The following NCOA2 variants were observed in gnomAD, a reference collection of about 807,000 sequenced individuals.
The protein encoded by NCOA2 is nuclear receptor coactivator 2.
A neutral mutation model predicts 145.1 loss-of-function variants in NCOA2; 21 were observed. That is an observed-to-expected ratio of 0.14 (90% CI 0.10 to 0.21). The LOEUF is 0.21. Among genes scored for constraint, NCOA2 ranks in the 10% least tolerant of loss-of-function variants. NCOA2 has a pLI of 1.00. For synonymous variants in NCOA2, 619 were observed against 637.5 expected (o/e 0.97, Z 0.44); for missense variants, 1,472 against 1,837.6 (o/e 0.80, Z 3.64).
chr8:70,252,061 T>C (rs185644735), intron 2 of NCOA2, among the ~76,000 whole-genome samples: 26 of 152,340 alleles, frequency 1.7e-4, no homozygotes, highest in Non-Finnish European at 3.1e-4. Context: ...ATGTAAATAA[T>C]TGTTATATTG....
rs111706218 is a variant in NCOA2 at position 70,375,410 on chromosome 8, C to T, written c.-77+28290G>A. 2.7e-3 allele frequency among the ~76,000 whole-genome samples: 411 copies of T among 152,214 alleles called. 5 individuals are homozygous for T. The highest frequency in any genetic ancestry group is 9.6e-3 in the African/African-American group (399 of 41,532). On this transcript the variant is annotated intron_variant, in intron 1 of 22. Transcript: ENST00000452400. ...TTTGCAGTGGCATCAGGTGAGATGG[C>T]TGTTTCAGGAAACTCAAAAAGGATT...
intron 1 of NCOA2, among the ~76,000 whole-genome samples, chr8:70,338,207 A>G (rs1807805146): frequency 6.6e-6 from 1 of 152,144 alleles, no homozygotes; most frequent in African/African-American, 2.4e-5. Flanking sequence ...AGACTAATAA[A>G]GAAGAAAATC....
chr8:70,322,764 G>A (rs187927027), intron 1 of NCOA2, among the ~76,000 whole-genome samples: 1 of 152,226 alleles, frequency 6.6e-6, no homozygotes, highest in East Asian at 1.9e-4. Flanking sequence ...AAAGGGTCTG[G>A]CCCATAGTAA....
intron 1 of NCOA2, among the ~76,000 whole-genome samples, chr8:70,349,803 A>G (rs991811841): frequency 6.6e-6 from 1 of 152,156 alleles, no homozygotes; most frequent in Non-Finnish European, 1.5e-5. Context: ...AAATTTGTTC[A>G]GTCTATATCC....
chr8:70,317,701 C>CA (rs1402470120), intron 1 of NCOA2, among the ~76,000 whole-genome samples: 1 of 152,090 alleles, frequency 6.6e-6, no homozygotes, highest in Non-Finnish European at 1.5e-5. Flanking sequence ...TTAAGAAGTC[C>CA]ATTTAAAAAT....
chr8:70,237,101 C>T (rs766091259), intron 2 of NCOA2, among the ~76,000 whole-genome samples: 42 of 152,172 alleles, frequency 2.8e-4, no homozygotes, highest in Non-Finnish European at 4.9e-4. Flanking sequence ...AAACTGCTAT[C>T]GAGTTTGAAG....
At chr8:70,371,615 C>CTAT (rs1194425242) in intron 1 of NCOA2, among the ~76,000 whole-genome samples, 3 of 152,146 alleles carry the variant, frequency 2.0e-5, no homozygotes, top group Non-Finnish European at 4.4e-5. Context: ...GGATATTTTA[C>CTAT]TATTGGCTAG....
At chr8:70,319,640 T>A (rs1166345352) in intron 1 of NCOA2, among the ~76,000 whole-genome samples, 2 of 152,200 alleles carry the variant, frequency 1.3e-5, no homozygotes, top group Non-Finnish European at 2.9e-5. Flanking sequence ...GAAACTAATG[T>A]CTTTTACTTC....
Position 70,126,978 on chromosome 8 carries a change from G to C in NCOA2, c.3751C>G (p.Gln1251Glu). ...EILNQHLRQR[Q>E]MHQQQQVQQR... The stretch of plus-strand genomic sequence containing the variant: ...TGAACTTGCTGTTGCTGATGCATTT[G>C]TCTCTGTCGAAGATGCTGGTTCAGG... Residue 1251 changes from glutamine to glutamate, a missense_variant, in exon 19 of 23, where the codon CAA (glutamine) becomes GAA (glutamate). Physicochemically the swap from Gln to Glu is conservative, Grantham distance 29. Transcript: ENST00000452400. 2 of 1,613,802 alleles carry C rather than the reference G, an allele frequency of 1.2e-6. No homozygotes were observed. The highest frequency in any genetic ancestry group is 1.7e-6 in the Non-Finnish European group (2 of 1,179,848).
chr8:70,126,604 A>G (rs1808446578), intron 19 of NCOA2: 1 of 587,458 alleles, frequency 1.7e-6, no homozygotes, highest in African/African-American at 1.9e-5. Flanking sequence ...AAAAGGAGGT[A>G]CCTGAGCTGA....
intron 1 of NCOA2, among the ~76,000 whole-genome samples, chr8:70,367,463 G>C (rs138509843): frequency 2.3e-4 from 35 of 152,190 alleles, no homozygotes; most frequent in African/African-American, 7.2e-4. Flanking sequence ...ACTACCAACA[G>C]AGTAATAGTT....
At chr8:70,403,649 T>C (rs1249428109) in intron 1 of NCOA2, 51 bp downstream of exon 1, 8 of 357,842 alleles carry the variant, frequency 2.2e-5, no homozygotes, top group African/African-American at 8.5e-5. Context: ...GCCCCCCGCC[T>C]GCCGCCCGCC....
chr8:70,254,979 A>G (rs1823515941), intron 2 of NCOA2, among the ~76,000 whole-genome samples: 1 of 152,240 alleles, frequency 6.6e-6, no homozygotes, highest in African/African-American at 2.4e-5. Context: ...TTCTAACTCA[A>G]TGAAAGAGTA....
At chr8:70,426,579 A>G in the NCOA2 span, among the ~76,000 whole-genome samples, 1 of 152,202 alleles carries the variant, frequency 6.6e-6, no homozygotes, top group African/African-American at 2.4e-5. Context: ...TCAACTAGAA[A>G]GCTTTAGTGA....
chr8:70,410,527 G>A, the NCOA2 span, among the ~76,000 whole-genome samples: 1 of 152,244 alleles, frequency 6.6e-6, no homozygotes, highest in East Asian at 1.9e-4. Context: ...TAGAGATGGA[G>A]TTTCACCATG....
At chr8:70,296,131 A>G (rs1272021339) in intron 2 of NCOA2, among the ~76,000 whole-genome samples, 1 of 152,200 alleles carries the variant, frequency 6.6e-6, no homozygotes, top group Non-Finnish European at 1.5e-5. Context: ...AACAAGATAG[A>G]AATGGTCCCG....
At chr8:70,453,572 C>T in the NCOA2 span, among the ~76,000 whole-genome samples, 2 of 152,242 alleles carry the variant, frequency 1.3e-5, no homozygotes, top group East Asian at 3.9e-4. Flanking sequence ...CAGTTTATTC[C>T]CCTTCTTTAT....
At chr8:70,351,751 AT>A (rs1266426866) in intron 1 of NCOA2, among the ~76,000 whole-genome samples, 3,123 of 129,856 alleles carry the variant, frequency 0.024, 117 homozygotes, top group African/African-American at 0.07. Flanking sequence ...ACCCCGGCTA[AT>A]TTTTTTTTTT....
At chr8:70,205,797 G>A (rs1325199184) in intron 4 of NCOA2, among the ~76,000 whole-genome samples, 1 of 152,160 alleles carries the variant, frequency 6.6e-6, no homozygotes, top group East Asian at 1.9e-4. Context: ...TCTTCTTTTG[G>A]ACTTTGTCAT....
Sources: allele counts gnomAD v4.1 joint callset (sites outside exome capture counted in the v4.1 genomes callset), GRCh38; gene constraint gnomAD v4.1.1; transcripts MANE v1.5; gene names NCBI Gene and HGNC (gene_info 2026-07-23, HGNC 2026-07-21).